EIF3J: variants seen among roughly 807,000 people sequenced by gnomAD.
EIF3J encodes the protein eukaryotic translation initiation factor 3, subunit 1 (alpha, 35kD).
A neutral mutation model predicts 39.0 loss-of-function variants in EIF3J; 15 were observed. The observed-to-expected ratio is 0.38, with a 90% CI of 0.26 to 0.59. The LOEUF (loss-of-function observed/expected upper bound fraction) is 0.59. EIF3J is among the 20% of genes least tolerant of loss of function. The pLI is 0.60. For missense variants in EIF3J, 226 were observed against 308.6 expected (o/e 0.73, Z 2.00); for synonymous variants, 98 against 112.9 (o/e 0.87, Z 0.84).
chr15:44,554,484 G>A (rs549824720), intron 4 of EIF3J, 69 bp from the exon 5 acceptor site: 179 of 778,094 alleles, frequency 2.3e-4, no homozygotes, highest in Middle Eastern at 1.6e-3. Flanking sequence ...TTAAGAATTC[G>A]TACAATACAG....
Position 44,538,289 on chromosome 15 carries a change from GTTTT to G in EIF3J, c.147+874_147+877del, listed in dbSNP as rs10713864. Reference sequence around the variant, plus strand: ...TGTAAGTGACATTTACTTCTACATGGTTTTTTTTTTTTTTTACAGTAGTTACAGA... The same window carrying G: ...TGTAAGTGACATTTACTTCTACATGGTTTTTTTTTTTACAGTAGTTACAGA... On this transcript the variant is annotated intron_variant, in intron 2 of 7. Coordinates refer to ENST00000261868, the MANE Select transcript of EIF3J (RefSeq NM_003758.4). Among the ~76,000 whole-genome samples the G allele has an allele frequency of 4.3e-5, 6 of 140,240 alleles. 1 individual carries two copies. The South Asian group carries it at 1.1e-3, about 26-fold the overall frequency. 92.0% of individuals were successfully genotyped at this position (140,240 alleles called of 152,430 possible). A position where few individuals can be genotyped will look rare whatever the true frequency, so the allele number is the denominator to read the frequency against.
At chr15:44,541,278 CTT>C (rs1182263799) in intron 2 of EIF3J, among the ~76,000 whole-genome samples, 8 of 152,298 alleles carry the variant, frequency 5.3e-5, no homozygotes, top group Admixed American at 5.2e-4. Flanking sequence ...GACAACATAA[CTT>C]TTGCTCCATT....
intron 2 of EIF3J, among the ~76,000 whole-genome samples, chr15:44,538,524 A>C (rs968348084): frequency 1.3e-5 from 2 of 152,150 alleles, no homozygotes; most frequent in African/African-American, 4.8e-5. Context: ...GATAATCACT[A>C]TGAACTTAAT....
chr15:44,550,280 T>C (rs550296724), intron 2 of EIF3J, among the ~76,000 whole-genome samples: 4 of 152,224 alleles, frequency 2.6e-5, no homozygotes, highest in Non-Finnish European at 5.9e-5. Flanking sequence ...AAAAAGCCAA[T>C]AGTCATTTTT....
At chr15:44,544,533 A>G (rs993594073) in intron 2 of EIF3J, among the ~76,000 whole-genome samples, 1 of 149,868 alleles carries the variant, frequency 6.7e-6, no homozygotes, top group Non-Finnish European at 1.5e-5. Context: ...GGAGAAACCC[A>G]TCTCTACTAA....
intron 7 of EIF3J, chr15:44,560,660 GAGTAA>G: frequency 2.9e-6 from 1 of 339,370 alleles, no homozygotes; most frequent in Non-Finnish European, 5.4e-6. Context: ...GTATTTATAA[GAGTAA>G]AGTAAGAGAA....
chr15:44,538,663 C>T (rs557458158), intron 2 of EIF3J, among the ~76,000 whole-genome samples: 2 of 152,132 alleles, frequency 1.3e-5, no homozygotes, highest in South Asian at 4.1e-4. Flanking sequence ...GTTAATAAAT[C>T]GACTGGTTAT....
At chr15:44,550,386 G>A (rs2082089214) in intron 2 of EIF3J, among the ~76,000 whole-genome samples, 1 of 152,040 alleles carries the variant, frequency 6.6e-6, no homozygotes, top group South Asian at 2.1e-4. Context: ...TAACCTCCTG[G>A]GCTCAAGTGA....
intron 5 of EIF3J, 103 bp from the exon 6 acceptor site, chr15:44,557,386 G>C: frequency 1.2e-6 from 1 of 848,384 alleles, no homozygotes. Context: ...CCCTGCTTTA[G>C]AATGAAACGA....
chr15:44,551,308 A>G, intron 3 of EIF3J, 123 bp from the exon 4 acceptor site: 1 of 681,252 alleles, frequency 1.5e-6, no homozygotes, highest in Non-Finnish European at 2.4e-6. Flanking sequence ...TATTTGTGAG[A>G]AAAATCACTG....
At chr15:44,544,840 C>T (rs1328056731) in intron 2 of EIF3J, among the ~76,000 whole-genome samples, 1 of 151,588 alleles carries the variant, frequency 6.6e-6, no homozygotes, top group Non-Finnish European at 1.5e-5. Context: ...CCGGTCTCTA[C>T]TAAAAACACA....
chr15:44,544,644 C>T (rs1372773959), intron 2 of EIF3J, among the ~76,000 whole-genome samples: 2 of 138,834 alleles, frequency 1.4e-5, no homozygotes, highest in Non-Finnish European at 3.0e-5. Flanking sequence ...GCAGAGGTTG[C>T]GGTGAGCTGA....
intron 2 of EIF3J, among the ~76,000 whole-genome samples, chr15:44,544,703 TAAAAAAAAA>T (rs34101594): frequency 4.7e-5 from 4 of 85,430 alleles, no homozygotes; most frequent in Admixed American, 4.5e-4. Flanking sequence ...AAACTCCATT[TAAAAAAAAA>T]AAAAAAAAAA....
intron 2 of EIF3J, among the ~76,000 whole-genome samples, chr15:44,543,184 A>G (rs1278846201): frequency 1.3e-5 from 2 of 152,200 alleles, no homozygotes; most frequent in Non-Finnish European, 2.9e-5. Context: ...TCCTGGGGAA[A>G]GCTACCTGGC....
chr15:44,538,260 C>CAGCTGTA (rs955029312), intron 2 of EIF3J, among the ~76,000 whole-genome samples: 1 of 149,578 alleles, frequency 6.7e-6, no homozygotes, highest in African/African-American at 2.4e-5. Context: ...GTTCATTATA[C>CAGCTGTA]AGCTGTAAGT....
intron 4 of EIF3J, among the ~76,000 whole-genome samples, chr15:44,553,423 C>T (rs1041754030): frequency 5.9e-5 from 9 of 151,318 alleles, no homozygotes; most frequent in African/African-American, 9.7e-5. Flanking sequence ...ACTCAGGAGG[C>T]GGAGCTTGCA....
chr15:44,539,023 ATTCT>A (rs1308380267), intron 2 of EIF3J, among the ~76,000 whole-genome samples: 8 of 149,710 alleles, frequency 5.3e-5, no homozygotes, highest in African/African-American at 2.0e-4. Flanking sequence ...GATGAATATA[ATTCT>A]TTTTTTTTTT....
intron 2 of EIF3J, among the ~76,000 whole-genome samples, chr15:44,547,133 G>C (rs958824560): frequency 4.1e-5 from 6 of 147,962 alleles, no homozygotes; most frequent in Non-Finnish European, 3.0e-5. Context: ...ATCCATGAAG[G>C]CTTGATTAGC....
At chr15:44,544,098 C>CTT (rs10630378) in intron 2 of EIF3J, among the ~76,000 whole-genome samples, 131,626 of 134,150 alleles carry the variant, frequency 0.98, 64,671 homozygotes, top group Non-Finnish European at 0.99. Flanking sequence ...CTTTTCTTTT[C>CTT]TTTTTTTTTT....
Sources: gnomAD v4.1 joint callset for allele counts (sites outside exome capture counted in the v4.1 genomes callset) on GRCh38, gnomAD v4.1.1 for gene constraint, MANE v1.5 for transcripts, NCBI Gene and HGNC (gene_info 2026-07-23, HGNC 2026-07-21) for gene names.